The following AKT3 variants were observed in gnomAD, a reference collection of about 807,000 sequenced individuals.
AKT3 encodes AKT serine/threonine kinase 3.
In AKT3, 15 loss-of-function variants were observed where a neutral mutation model predicts 65.3. The observed-to-expected ratio is 0.23, with a 90% CI of 0.15 to 0.35. The LOEUF (loss-of-function observed/expected upper bound fraction) is 0.35. AKT3 is among the 10% of genes least tolerant of loss of function. The pLI, the probability that AKT3 is intolerant of heterozygous loss-of-function variation, is 1.00. For synonymous variants in AKT3, 206 were observed against 183.8 expected (o/e 1.12, Z -0.98); for missense variants, 243 against 576.5 (o/e 0.42, Z 5.92).
chr1:243,606,655 A>G (rs1677447555), intron 8 of AKT3, among the ~76,000 whole-genome samples: 1 of 152,274 alleles, frequency 6.6e-6, no homozygotes, highest in African/African-American at 2.4e-5. Context: ...ATTCAAGCCC[A>G]CTGCAAAAGT....
chr1:243,576,844 T>C (rs939670389), intron 8 of AKT3, among the ~76,000 whole-genome samples: 1 of 152,056 alleles, frequency 6.6e-6, no homozygotes, highest in Admixed American at 6.6e-5. Context: ...TAAACTACCA[T>C]GGAAATTCTT....
intron 2 of AKT3, among the ~76,000 whole-genome samples, chr1:243,834,615 A>T (rs979847324): frequency 6.6e-6 from 1 of 152,080 alleles, no homozygotes; most frequent in Non-Finnish European, 1.5e-5. Flanking sequence ...AGGATCTTAA[A>T]ACTACCTATA....
At chr1:243,595,267 T>C (rs1676519439) in intron 8 of AKT3, among the ~76,000 whole-genome samples, 1 of 152,116 alleles carries the variant, frequency 6.6e-6, no homozygotes, top group African/African-American at 2.4e-5. Flanking sequence ...AGTAAAAATA[T>C]GATATAGAAG....
intron 2 of AKT3, among the ~76,000 whole-genome samples, chr1:243,763,789 G>T (rs1373511644): frequency 6.6e-6 from 1 of 152,004 alleles, no homozygotes; most frequent in Non-Finnish European, 1.5e-5. Flanking sequence ...AAAGTTATTT[G>T]CTTACTAATT....
chr1:243,593,843 A>G (rs1192079986), intron 8 of AKT3, among the ~76,000 whole-genome samples: 1 of 152,226 alleles, frequency 6.6e-6, no homozygotes, highest in Non-Finnish European at 1.5e-5. Flanking sequence ...ATCACACTTA[A>G]TAATAAAAGA....
At position 243,659,208 on chromosome 1, in the gene AKT3, T is replaced by C. The variant is rs1378285039; in HGVS notation, c.284+5564A>G. 2.6e-5 allele frequency among the ~76,000 whole-genome samples: 4 copies of C among 152,216 alleles called. No individual in the cohort carries two copies. In the East Asian group the frequency reaches 7.7e-4, roughly 29 times the overall value. On this transcript the variant is annotated intron_variant, in intron 4 of 13. Coordinates refer to ENST00000673466, the MANE Select transcript of AKT3 (RefSeq NM_005465.7). ...TATGATTCCACTTATGTGATGTGTC[T>C]AAAGTAGTCGAATTCACAGAAGCAG... is the stretch of plus-strand genomic sequence containing the variant.
At chr1:243,654,875 A>G (rs116064369) in intron 4 of AKT3, among the ~76,000 whole-genome samples, 78 of 152,146 alleles carry the variant, frequency 5.1e-4, no homozygotes, top group African/African-American at 1.9e-3. Flanking sequence ...TTTTCCCACT[A>G]TCTTTGTTTT....
intron 10 of AKT3, among the ~76,000 whole-genome samples, chr1:243,559,415 A>T (rs1053993911): frequency 3.0e-4 from 45 of 152,296 alleles, no homozygotes; most frequent in African/African-American, 9.9e-4. Flanking sequence ...TTCTTCATCA[A>T]AAGAGATAAG....
chr1:243,564,981 A>G (rs796570270), intron 9 of AKT3, among the ~76,000 whole-genome samples: 2 of 152,214 alleles, frequency 1.3e-5, no homozygotes, highest in Admixed American at 1.3e-4. Context: ...AAAATATGTT[A>G]TTATACTCTC....
At chr1:243,643,579 T>A (rs945662626) in intron 5 of AKT3, among the ~76,000 whole-genome samples, 1 of 152,234 alleles carries the variant, frequency 6.6e-6, no homozygotes, top group Non-Finnish European at 1.5e-5. Context: ...TAAATCTGTC[T>A]GTGAGGCCCT....
intron 5 of AKT3, among the ~76,000 whole-genome samples, chr1:243,641,942 AAAATAAAT>A (rs1228674268): frequency 4.6e-5 from 7 of 152,166 alleles, no homozygotes; most frequent in African/African-American, 1.4e-4. Flanking sequence ...GTCTCAAATG[AAAATAAAT>A]AAATAAGTAA....
chr1:243,772,563 ACAG>A (rs1486922602), intron 2 of AKT3, among the ~76,000 whole-genome samples: 2 of 152,212 alleles, frequency 1.3e-5, no homozygotes, highest in African/African-American at 4.8e-5. Flanking sequence ...ATGTGGAGAA[ACAG>A]GAACACTTTT....
intron 5 of AKT3, among the ~76,000 whole-genome samples, chr1:243,643,482 G>A (rs1485388673): frequency 7.9e-5 from 12 of 152,198 alleles, no homozygotes. Flanking sequence ...GCACTTCTGG[G>A]TTCTCTAAGC....
At chr1:243,602,370 A>G (rs1166213826) in intron 8 of AKT3, among the ~76,000 whole-genome samples, 4 of 152,208 alleles carry the variant, frequency 2.6e-5, no homozygotes, top group African/African-American at 9.6e-5. Flanking sequence ...TAATATATTA[A>G]TAACTAAAAT....
At chr1:243,721,849 C>G (rs1337454092) in intron 2 of AKT3, among the ~76,000 whole-genome samples, 1 of 152,030 alleles carries the variant, frequency 6.6e-6, no homozygotes, top group East Asian at 1.9e-4. Context: ...CCAGGCAAGG[C>G]ACATCAGAGG....
intron 2 of AKT3, among the ~76,000 whole-genome samples, chr1:243,729,566 T>TA (rs1317271748): frequency 3.3e-5 from 5 of 152,026 alleles, no homozygotes; most frequent in East Asian, 1.9e-4. Flanking sequence ...AAATCTACCT[T>TA]AAAAAAAGAT....
At chr1:243,804,590 T>G (rs1692604744) in intron 2 of AKT3, among the ~76,000 whole-genome samples, 1 of 152,192 alleles carries the variant, frequency 6.6e-6, no homozygotes, top group African/African-American at 2.4e-5. Context: ...CTCACGCCTG[T>G]AATCCCAGCA....
At chr1:243,705,109 A>G (rs1685712257) in intron 2 of AKT3, among the ~76,000 whole-genome samples, 1 of 152,230 alleles carries the variant, frequency 6.6e-6, no homozygotes, top group South Asian at 2.1e-4. Context: ...ATTATAGTCA[A>G]GAAACTCTCA....
intron 5 of AKT3, among the ~76,000 whole-genome samples, chr1:243,640,096 A>G (rs1399220390): frequency 6.6e-6 from 1 of 152,228 alleles, no homozygotes; most frequent in African/African-American, 2.4e-5. Flanking sequence ...AGTGTCTTAC[A>G]TTCAATAATA....
Sources: gnomAD v4.1 joint callset for allele counts (sites outside exome capture counted in the v4.1 genomes callset) on GRCh38, gnomAD v4.1.1 for gene constraint, MANE v1.5 for transcripts, NCBI Gene and HGNC (gene_info 2026-07-23, HGNC 2026-07-21) for gene names.